FLOT2: variants seen among roughly 807,000 people sequenced by gnomAD.
The protein encoded by FLOT2 is flotillin 2, also known as flotillin-2.
FLOT2 carries 35 observed loss-of-function variants against 54.9 expected under a neutral mutation model. The observed-to-expected ratio is 0.64, with a 90% CI of 0.49 to 0.84. The LOEUF is 0.84. Ranked by LOEUF, FLOT2 falls within the 40% of genes least tolerant of loss-of-function variation. FLOT2 has a pLI of 0.00. For missense variants in FLOT2, 464 were observed against 572.1 expected (o/e 0.81, Z 1.93); for synonymous variants, 207 against 228.9 (o/e 0.90, Z 0.86).
chr17:28,886,067 G>GGGGGGGGGGC, intron 2 of FLOT2: 2 of 579,700 alleles, frequency 3.5e-6, no homozygotes, highest in Non-Finnish European at 6.4e-6. Context: ...GCGGGGGGGG[G>GGGGGGGGGGC]CATGCTGTCA....
chr17:28,886,111 G>C (rs2039542042), intron 2 of FLOT2: 1 of 655,634 alleles, frequency 1.5e-6, no homozygotes, highest in Non-Finnish European at 2.8e-6. Context: ...GCTCAGCCGA[G>C]GGCTGCAGGA....
chr17:28,894,614 ACCTT>A (rs1279669773), intron 1 of FLOT2, among the ~76,000 whole-genome samples: 1 of 107,650 alleles, frequency 9.3e-6, no homozygotes, highest in African/African-American at 3.5e-5. Flanking sequence ...ACAGAGCAAG[ACCTT>A]TTTTTTTTTT....
At position 28,890,425 on chromosome 17, in the gene FLOT2, C is replaced by T. The variant is rs916216938; in HGVS notation, c.50-1399G>A. On this transcript the variant is annotated intron_variant, in intron 1 of 10. Transcript: ENST00000394908. ...TTTTTGAGACGGAGTCTCGCTCTGT[C>T]GCCCAGGCTGGAGTGCAGTGGTGCG... Among the ~76,000 whole-genome samples the T allele has an allele frequency of 1.7e-4, 25 of 147,378 alleles. No homozygotes were observed. The East Asian group carries it at 2.0e-3, about 12-fold the overall frequency.
chr17:28,896,034 T>G (rs1020941310), intron 1 of FLOT2, among the ~76,000 whole-genome samples: 1 of 152,206 alleles, frequency 6.6e-6, no homozygotes, highest in African/African-American at 2.4e-5. Context: ...CAAGGTATCA[T>G]TGTGCCAGGC....
chr17:28,880,369 G>T lies in FLOT2; in HGVS notation c.*192C>A, dbSNP rs2039425430. Reference sequence around the variant, plus strand: ...AAAGTGGCAGTGAAAGTGGGGTAAAGGAGAGGAAGAGGAGGAGGTGGACAG... The same window carrying T: ...AAAGTGGCAGTGAAAGTGGGGTAAATGAGAGGAAGAGGAGGAGGTGGACAG... On this transcript the variant is annotated 3_prime_UTR_variant, in exon 11 of 11. Transcript: ENST00000394908. 2 of 1,440,908 alleles carry T rather than the reference G, an allele frequency of 1.4e-6. No homozygotes were observed. Among genetic ancestry groups the T allele is most frequent in the South Asian group, 1.5e-5 (1 of 66,238 alleles). The allele number at this position is 1,440,908 out of a possible 1,614,324, so 89.3% of individuals were successfully genotyped here. A position where few individuals can be genotyped will look rare whatever the true frequency, so the allele number is the denominator to read the frequency against.
At position 28,880,425 on chromosome 17, in the gene FLOT2, G is replaced by C; in HGVS notation, c.*136C>G. 7.9e-6 allele frequency: 12 copies of C among 1,511,912 alleles called. No homozygotes were observed. Among genetic ancestry groups the C allele is most frequent in the Non-Finnish European group, 1.1e-5 (12 of 1,131,228 alleles). 93.7% of individuals were successfully genotyped at this position (1,511,912 alleles called of 1,614,324 possible). ...AGAGACAGGAAGACAGCCAGAGATGGCCTGAACACGCAGCACTTCTGGTCC... is the reference window on the plus strand; with the variant it reads ...AGAGACAGGAAGACAGCCAGAGATGCCCTGAACACGCAGCACTTCTGGTCC... On this transcript the variant is annotated 3_prime_UTR_variant, in exon 11 of 11. Transcript: ENST00000394908.
intron 1 of FLOT2, among the ~76,000 whole-genome samples, chr17:28,890,810 A>G (rs1025282171): frequency 9.9e-5 from 15 of 152,072 alleles, no homozygotes; most frequent in African/African-American, 3.6e-4. Flanking sequence ...AGGAAACAGT[A>G]TTCAAAGGAA....
chr17:28,892,262 C>A (rs1295243356), intron 1 of FLOT2, among the ~76,000 whole-genome samples: 2 of 151,580 alleles, frequency 1.3e-5, no homozygotes, highest in Non-Finnish European at 2.9e-5. Flanking sequence ...CTTGGGCTAG[C>A]CCCATGGGAC....
At position 28,882,298 on chromosome 17, in the gene FLOT2, C is replaced by T. The variant is rs2152646445; in HGVS notation, c.579+39G>A. 2 of 1,613,818 alleles carry T rather than the reference C, an allele frequency of 1.2e-6. No individual in the cohort carries two copies. Among genetic ancestry groups the T allele is most frequent in the East Asian group, 4.5e-5 (2 of 44,894 alleles). On this transcript the variant is annotated intron_variant, in intron 6 of 10. Coordinates refer to ENST00000394908, the MANE Select transcript of FLOT2 (RefSeq NM_004475.3). The surrounding 1 kb of genome is among the most constrained non-coding windows in gnomAD (Gnocchi z 5.6). ...AGTAGAGGTCCTGAGTCATCATGGT[C>T]CCATCACCCCTGAGCTTCCCATCCT...
At position 28,886,056 on chromosome 17, in the gene FLOT2, G is replaced by GGA; in HGVS notation, c.132-1742_132-1741insTC. Reference sequence around the variant, plus strand: ...CAAGCACCGATGCCTGACGCCTGGGGGCGGGGGGGGGCATGCTGTCAGTAA... The same window carrying GGA: ...CAAGCACCGATGCCTGACGCCTGGGGGAGCGGGGGGGGGCATGCTGTCAGTAA... On this transcript the variant is annotated intron_variant, in intron 2 of 10. Coordinates refer to ENST00000394908, the MANE Select transcript of FLOT2 (RefSeq NM_004475.3). 8.4e-6 allele frequency: 5 copies of GGA among 596,440 alleles called. 2 individuals carry two copies. The highest frequency in any genetic ancestry group is 3.2e-5 in the South Asian group (2 of 63,232). 36.9% of individuals were successfully genotyped at this position (596,440 alleles called of 1,614,324 possible).
intron 1 of FLOT2, among the ~76,000 whole-genome samples, chr17:28,894,278 G>A (rs2039704151): frequency 1.3e-5 from 2 of 152,164 alleles, no homozygotes; most frequent in African/African-American, 4.8e-5. Flanking sequence ...CTTGAGCCCA[G>A]GAGTTTGAGA....
intron 8 of FLOT2, among the ~76,000 whole-genome samples, 195 bp from the exon 9 acceptor site, chr17:28,881,570 GGACA>G (rs1253930919): frequency 6.6e-6 from 1 of 152,242 alleles, no homozygotes; most frequent in Non-Finnish European, 1.5e-5. Context: ...AAGTGGGAGG[GGACA>G]AACCAGGATG....
Position 28,881,930 on chromosome 17 carries a change from T to C in FLOT2, c.798A>G (p.Lys266=), listed in dbSNP as rs2039457101. Residue 266 remains lysine (K), a synonymous_variant, in exon 8 of 11, where the codon AAA becomes AAG. Coordinates refer to ENST00000394908, the MANE Select transcript of FLOT2 (RefSeq NM_004475.3). ...TCTCCTGTGCCTCCACGGCAATCTGTTTCTTGCGCTGCACAACCTCAATCT... is the reference window on the plus strand; with the variant it reads ...TCTCCTGTGCCTCCACGGCAATCTGCTTCTTGCGCTGCACAACCTCAATCT... ...EIEIEVVQRK[K]QIAVEAQEIL... 1 of 1,614,008 alleles carries C rather than the reference T, an allele frequency of 6.2e-7. No individual in the cohort carries two copies. Among genetic ancestry groups the C allele is most frequent in the Non-Finnish European group, 8.5e-7 (1 of 1,180,022 alleles).
Position 28,883,087 on chromosome 17 carries a change from A to AAAGGCTG in FLOT2, c.346+14_346+20dup. 6.2e-7 allele frequency: 1 copy of AAAGGCTG among 1,613,362 alleles called. No homozygotes were observed. Among genetic ancestry groups the AAAGGCTG allele is most frequent in the East Asian group, 2.2e-5 (1 of 44,856 alleles). On this transcript the variant is annotated intron_variant, in intron 4 of 10. Transcript: ENST00000394908. This position sits in a 1 kb window ranked among gnomAD's most constrained non-coding sequence, Gnocchi z 5.0. ...GCTTAGGGGCCCCGTGAGGCTCCTC[A>AAAGGCTG]AAGGCTGAACAGGGCCTCACCGAGG... is the stretch of plus-strand genomic sequence containing the variant.
At position 28,897,479 on chromosome 17, in the gene FLOT2, A is replaced by C. The variant is rs1598106590; in HGVS notation, c.49+47T>G. The C allele has an allele frequency of 6.5e-7, 1 of 1,542,812 alleles. No homozygotes were observed. The highest frequency in any genetic ancestry group is 8.8e-7 in the Non-Finnish European group (1 of 1,132,958). ...CCGTGCACTCCCCAGCCCTGCACCC[A>C]CCCCGAGCACCCTCCACAGCTCCCA... On this transcript the variant is annotated intron_variant, in intron 1 of 10. Coordinates refer to ENST00000394908, the MANE Select transcript of FLOT2 (RefSeq NM_004475.3). This position sits in a 1 kb window ranked among gnomAD's most constrained non-coding sequence, Gnocchi z 4.4.
At chr17:28,894,263 G>A (rs1173055381) in intron 1 of FLOT2, among the ~76,000 whole-genome samples, 1 of 152,120 alleles carries the variant, frequency 6.6e-6, no homozygotes, top group Non-Finnish European at 1.5e-5. Flanking sequence ...GAGGTGGGAG[G>A]ATTGCTTGAG....
rs752843883 is a variant in FLOT2, at chr17:28,880,785, T to A, written c.1176A>T (p.Thr392=). Residue 392 remains threonine (T), a synonymous_variant, in exon 10 of 11, where the codon ACA becomes ACT. Transcript: ENST00000394908. ...VVLSGDNSKV[T]SEVNRLLAEL... ...CGGCCAGCAGTCGGTTCACTTCTGA[T>A]GTGACCTTACTGTTGTCTCCACTGA... 8 of 1,614,208 alleles carry A rather than the reference T, an allele frequency of 5.0e-6. No homozygotes were observed. In the Admixed American group the frequency reaches 1.3e-4, roughly 27 times the overall value.
chr17:28,885,666 A>T (rs2039526979), intron 2 of FLOT2: 1 of 717,560 alleles, frequency 1.4e-6, no homozygotes, highest in Non-Finnish European at 2.6e-6. Flanking sequence ...CTTGCAGTCC[A>T]ATAGGCAAGG....
Position 28,881,924 on chromosome 17 carries a change from A to G in FLOT2, c.804T>C (p.Ile268=), listed in dbSNP as rs1436456953. ...GCAGGATCTCCTGTGCCTCCACGGC[A>G]ATCTGTTTCTTGCGCTGCACAACCT... ...EIEVVQRKKQ[I]AVEAQEILRT... Residue 268 remains isoleucine (I), a synonymous_variant, in exon 8 of 11, where the codon ATT becomes ATC. Transcript: ENST00000394908. 6.2e-7 allele frequency: 1 copy of G among 1,613,960 alleles called. No individual in the cohort carries two copies. The highest frequency in any genetic ancestry group is 1.7e-5 in the Admixed American group (1 of 60,030).
Sources: allele counts gnomAD v4.1 joint callset (sites outside exome capture counted in the v4.1 genomes callset), GRCh38; gene constraint gnomAD v4.1.1; non-coding constraint Gnocchi (gnomAD v3.1); transcripts MANE v1.5; gene names NCBI Gene and HGNC (gene_info 2026-07-23, HGNC 2026-07-21).